ABCB4: variants seen among roughly 807,000 people sequenced by gnomAD.
The protein encoded by ABCB4 is phosphatidylcholine translocator ABCB4.
A neutral mutation model predicts 145.7 loss-of-function variants in ABCB4; 76 were observed. The observed-to-expected ratio is 0.52, with a 90% CI of 0.43 to 0.63. The LOEUF (loss-of-function observed/expected upper bound fraction) is 0.63, where lower values mean the gene tolerates loss of function less well. ABCB4 is among the 30% of genes least tolerant of loss of function. ABCB4 has a pLI of 0.00. For missense variants in ABCB4, 1,234 were observed against 1,553.1 expected (o/e 0.79, Z 3.45); for synonymous variants, 517 against 566.8 (o/e 0.91, Z 1.25).
intron 24 of ABCB4, 132 bp downstream of exon 24, chr7:87,409,104 A>T: frequency 9.1e-7 from 1 of 1,100,380 alleles, no homozygotes; most frequent in Non-Finnish European, 1.3e-6. Context: ...AATATTAGCT[A>T]TATAAATATT....
At chr7:87,396,054 A>G in the ABCB4 span, among the ~76,000 whole-genome samples, 4 of 152,158 alleles carry the variant, frequency 2.6e-5, no homozygotes. Flanking sequence ...ATTTCACAGG[A>G]TTTACGACAG....
chr7:87,473,051 C>G (rs1331872634), intron 2 of ABCB4, among the ~76,000 whole-genome samples: 1 of 152,148 alleles, frequency 6.6e-6, no homozygotes, highest in Admixed American at 6.5e-5. Flanking sequence ...GTCAGGCAAT[C>G]TTGTTGGTGA....
chr7:87,382,288 T>C, the ABCB4 span: 1 of 1,411,798 alleles, frequency 7.1e-7, no homozygotes, highest in Non-Finnish European at 9.8e-7. Context: ...ATTTTAAAAT[T>C]ATGCCTTTAA....
downstream of ABCB4, among the ~76,000 whole-genome samples, chr7:87,397,462 G>A (rs1481982871): frequency 3.3e-5 from 5 of 152,074 alleles, no homozygotes. Context: ...TTTCTTTCAT[G>A]AATTGTCTGT....
intron 15 of ABCB4, among the ~76,000 whole-genome samples, chr7:87,429,225 A>G (rs916703628): frequency 1.3e-5 from 2 of 152,220 alleles, no homozygotes; most frequent in African/African-American, 4.8e-5. Context: ...ATGTGGGGGT[A>G]CCCAGGTGGA....
chr7:87,475,896 G>A (rs1227476266), upstream of ABCB4, among the ~76,000 whole-genome samples: 1 of 152,014 alleles, frequency 6.6e-6, no homozygotes, highest in Admixed American at 6.6e-5. Context: ...CGCCCGGCTG[G>A]GGCCGCCGCC....
At chr7:87,401,525 ATACT>A (rs1169072662), downstream of ABCB4, among the ~76,000 whole-genome samples, 1 of 152,220 alleles carries the variant, frequency 6.6e-6, no homozygotes, top group Admixed American at 6.5e-5. Flanking sequence ...CTTTAAAAAA[ATACT>A]TAATGATAGG....
intron 4 of ABCB4, 91 bp from the exon 5 acceptor site, chr7:87,454,683 TA>T (rs945402874): frequency 1.3e-5 from 12 of 952,244 alleles, no homozygotes; most frequent in Non-Finnish European, 1.6e-5. Context: ...AATTTAAATG[TA>T]TGAAAGCTAG....
At chr7:87,366,731 C>T in the ABCB4 span, among the ~76,000 whole-genome samples, 1 of 152,172 alleles carries the variant, frequency 6.6e-6, no homozygotes, top group Admixed American at 6.5e-5. Flanking sequence ...TCTTTGCTAC[C>T]TCTCCCCAGT....
chr7:87,442,668 G>A (rs187419333), intron 12 of ABCB4, among the ~76,000 whole-genome samples: 1 of 151,828 alleles, frequency 6.6e-6, no homozygotes, highest in Admixed American at 6.6e-5. Flanking sequence ...ACACACACAC[G>A]GAGAAAGAGA....
chr7:87,424,056 G>C lies in ABCB4; in HGVS notation c.2065-4C>G, dbSNP rs1397830309. 6.2e-7 allele frequency: 1 copy of C among 1,613,808 alleles called. No homozygotes were observed. Among genetic ancestry groups the C allele is most frequent in the African/African-American group, 1.3e-5 (1 of 74,896 alleles). On this transcript the variant is annotated splice_region_variant and splice_polypyrimidine_tract_variant and intron_variant, in intron 16 of 27. Coordinates refer to ENST00000649586, the MANE Select transcript of ABCB4 (RefSeq NM_000443.4). ...ACACTGGTGGCACATTTGCTTCCTA[G>C]AACATATAAACATCAGGGCAAACTG...
chr7:87,406,202 G>A, intron 26 of ABCB4, 86 bp downstream of exon 26: 6 of 1,362,182 alleles, frequency 4.4e-6, no homozygotes, highest in Non-Finnish European at 6.3e-6. Context: ...AACATATTTT[G>A]TTACAAGATT....
At chr7:87,439,450 T>C (rs1326976670) in intron 14 of ABCB4, among the ~76,000 whole-genome samples, 1 of 152,178 alleles carries the variant, frequency 6.6e-6, no homozygotes, top group Non-Finnish European at 1.5e-5. Flanking sequence ...TATAAAGACC[T>C]GGATCTGGGC....
chr7:87,471,740 A>G (rs1306426601), intron 3 of ABCB4, among the ~76,000 whole-genome samples: 3 of 152,236 alleles, frequency 2.0e-5, no homozygotes, highest in East Asian at 3.8e-4. Flanking sequence ...TCTGTAAGAC[A>G]TATTTCAAAT....
intron 2 of ABCB4, among the ~76,000 whole-genome samples, 190 bp from the exon 3 acceptor site, chr7:87,472,865 A>G (rs576232810): frequency 1.3e-5 from 2 of 152,374 alleles, no homozygotes; most frequent in East Asian, 3.9e-4. Flanking sequence ...AGGTACTACA[A>G]AGATACATGG....
At chr7:87,453,475 C>T (rs1310898628) in intron 5 of ABCB4, among the ~76,000 whole-genome samples, 1 of 152,110 alleles carries the variant, frequency 6.6e-6, no homozygotes, top group East Asian at 1.9e-4. Flanking sequence ...GAGCCACCAC[C>T]CCCACCCTAC....
intron 4 of ABCB4, among the ~76,000 whole-genome samples, chr7:87,456,756 C>T (rs1020088016): frequency 2.0e-5 from 3 of 152,098 alleles, no homozygotes; most frequent in Non-Finnish European, 2.9e-5. Context: ...AGATTGGACC[C>T]GCTCCTTTCT....
the ABCB4 span, among the ~76,000 whole-genome samples, chr7:87,380,488 G>C: frequency 1.1e-5 from 1 of 89,834 alleles, no homozygotes; most frequent in South Asian, 3.9e-4. Context: ...AGTTTAATTA[G>C]AAAGCAAAGT....
chr7:87,389,913 T>C, the ABCB4 span, among the ~76,000 whole-genome samples: 2 of 152,338 alleles, frequency 1.3e-5, no homozygotes, highest in African/African-American at 2.4e-5. Flanking sequence ...TTTTTTTATA[T>C]AGAAGATATG....
Sources: gnomAD v4.1 joint callset for allele counts (sites outside exome capture counted in the v4.1 genomes callset) on GRCh38, gnomAD v4.1.1 for gene constraint, MANE v1.5 for transcripts, NCBI Gene and HGNC (gene_info 2026-07-23, HGNC 2026-07-21) for gene names.